Variants in LARS2 observed in about 807,000 individuals in gnomAD.
LARS2 encodes the protein leucine--tRNA ligase, mitochondrial.
A neutral mutation model predicts 116.6 loss-of-function variants in LARS2; 81 were observed. The observed-to-expected ratio is 0.69, with a 90% CI of 0.58 to 0.84. The LOEUF (loss-of-function observed/expected upper bound fraction) is 0.84. Ranked by LOEUF, LARS2 falls within the 40% of genes least tolerant of loss-of-function variation. The pLI is 0.00. For missense variants in LARS2, 968 were observed against 1,114.5 expected (o/e 0.87, Z 1.87); for synonymous variants, 396 against 407.2 (o/e 0.97, Z 0.33).
At chr3:45,390,105 A>G (rs1377235679) in intron 1 of LARS2, among the ~76,000 whole-genome samples, 1 of 149,980 alleles carries the variant, frequency 6.7e-6, no homozygotes, top group Non-Finnish European at 1.5e-5. Flanking sequence ...AAAAAGGTGG[A>G]ATCAGTTTAC....
intron 1 of LARS2, chr3:45,389,092 C>G (rs1211217304): frequency 4.6e-5 from 7 of 152,132 alleles, no homozygotes; most frequent in Non-Finnish European, 8.8e-5. Context: ...ACGAGAAATC[C>G]GCCTGAGGTC....
intron 7 of LARS2, among the ~76,000 whole-genome samples, chr3:45,449,398 G>A (rs912450958): frequency 6.6e-6 from 1 of 152,082 alleles, no homozygotes; most frequent in Non-Finnish European, 1.5e-5. Context: ...CCAAACTCAG[G>A]TGATCTGCCC....
rs1432648420 is a variant in LARS2 at position 45,517,916 on chromosome 3, TG to T, written c.2062del (p.Val688CysfsTer2). On this transcript the variant is annotated frameshift_variant, in exon 18 of 22. Transcript: ENST00000645846. LOFTEE classifies it high-confidence loss of function. ...LWDVKTDALP[G>X]VLRWQQRLWT... Reference sequence around the variant, plus strand: ...TGCTGAATTCAGCTGATGCTCTCCCTGGGGTGCTGAGATGGCAACAACGACT... The same window carrying T: ...TGCTGAATTCAGCTGATGCTCTCCCTGGGTGCTGAGATGGCAACAACGACT... The T allele has an allele frequency of 6.2e-7, 1 of 1,612,602 alleles. No individual in the cohort carries two copies. The highest frequency in any genetic ancestry group is 2.2e-5 in the East Asian group (1 of 44,814).
At chr3:45,472,826 G>A (rs891654851) in intron 8 of LARS2, among the ~76,000 whole-genome samples, 1 of 152,200 alleles carries the variant, frequency 6.6e-6, no homozygotes, top group Non-Finnish European at 1.5e-5. Context: ...CCTCATCTGG[G>A]ATGTGGAGTA....
At chr3:45,499,683 C>T (rs1700087201) in intron 14 of LARS2, among the ~76,000 whole-genome samples, 1 of 152,168 alleles carries the variant, frequency 6.6e-6, no homozygotes, top group South Asian at 2.1e-4. Flanking sequence ...CATTTAGTAT[C>T]TGCATGTTAA....
chr3:45,532,989 T>G lies in LARS2; in HGVS notation c.2405-8840T>G, dbSNP rs532712787. Among the ~76,000 whole-genome samples the G allele has an allele frequency of 2.6e-5, 4 of 152,198 alleles. No individual in the cohort carries two copies. The South Asian group carries it at 6.2e-4, about 24-fold the overall frequency. On this transcript the variant is annotated intron_variant, in intron 20 of 21. Coordinates refer to ENST00000645846, the MANE Select transcript of LARS2 (RefSeq NM_015340.4). Reference sequence around the variant, plus strand: ...CAGACTTCAGGACAAGATCTTAACTTGTTCCTTGCTGAATAGACAGACACC... The same window carrying G: ...CAGACTTCAGGACAAGATCTTAACTGGTTCCTTGCTGAATAGACAGACACC...
chr3:45,521,285 A>G (rs1425234608), intron 19 of LARS2, among the ~76,000 whole-genome samples: 1 of 152,148 alleles, frequency 6.6e-6, no homozygotes, highest in Non-Finnish European at 1.5e-5. Flanking sequence ...AGCCTGGGCG[A>G]CAAAGCAAGA....
At chr3:45,516,699 T>A (rs1344039581) in intron 17 of LARS2, among the ~76,000 whole-genome samples, 1 of 152,186 alleles carries the variant, frequency 6.6e-6, no homozygotes, top group Non-Finnish European at 1.5e-5. Context: ...CCCTCTTTCT[T>A]GATGTACCCT....
chr3:45,516,144 GAGA>G lies in LARS2; in HGVS notation c.1916_1918del (p.Lys639del). Reference sequence around the variant, plus strand: ...GAAAGAGAAGTTAGAGGTGACGTGGGAGAAGATGAGTAAGTCCAAACACAACGG... The same window carrying G: ...GAAAGAGAAGTTAGAGGTGACGTGGGAGATGAGTAAGTCCAAACACAACGG... On this transcript the variant is annotated inframe_deletion, in exon 17 of 22. Transcript: ENST00000645846. The G allele has an allele frequency of 1.2e-6, 2 of 1,614,238 alleles. No individual in the cohort carries two copies. The highest frequency in any genetic ancestry group is 1.7e-6 in the Non-Finnish European group (2 of 1,180,040).
chr3:45,392,325 G>A (rs1448967173), intron 2 of LARS2, among the ~76,000 whole-genome samples: 1 of 140,912 alleles, frequency 7.1e-6, no homozygotes, highest in African/African-American at 2.6e-5. Flanking sequence ...TTTTTGAGAT[G>A]GAGTCTTGTT....
intron 15 of LARS2, among the ~76,000 whole-genome samples, chr3:45,510,203 A>G (rs1353645134): frequency 6.6e-6 from 1 of 152,026 alleles, no homozygotes; most frequent in Non-Finnish European, 1.5e-5. Flanking sequence ...GCTTGAGCTC[A>G]GGAGTTCAAG....
intron 8 of LARS2, among the ~76,000 whole-genome samples, chr3:45,459,146 G>A (rs751606003): frequency 1.3e-5 from 2 of 152,132 alleles, no homozygotes; most frequent in Non-Finnish European, 2.9e-5. Flanking sequence ...TACTGCCACA[G>A]AGGTCAAAAA....
intron 21 of LARS2, among the ~76,000 whole-genome samples, chr3:45,542,503 CA>C (rs1305662657): frequency 4.6e-5 from 7 of 152,176 alleles, no homozygotes; most frequent in African/African-American, 1.7e-4. Context: ...GATTTTTCTA[CA>C]TTTGTTTAAT....
chr3:45,496,246 C>A, intron 13 of LARS2, 29 bp from the exon 14 acceptor site: 1 of 1,512,154 alleles, frequency 6.6e-7, no homozygotes, highest in South Asian at 1.1e-5. Flanking sequence ...TAAAAAGAAA[C>A]CAATTGATGA....
intron 4 of LARS2, among the ~76,000 whole-genome samples, chr3:45,407,262 T>C (rs1698248243): frequency 6.6e-6 from 1 of 152,266 alleles, no homozygotes; most frequent in Non-Finnish European, 1.5e-5. Flanking sequence ...GTTTTCAGTT[T>C]GCCAGTCAGT....
intron 17 of LARS2, 44 bp from the exon 18 acceptor site, chr3:45,517,859 A>T (rs1264415890): frequency 6.5e-7 from 1 of 1,535,780 alleles, no homozygotes; most frequent in South Asian, 1.2e-5. Context: ...AATCACCCTT[A>T]TGTTGCACGC....
intron 20 of LARS2, among the ~76,000 whole-genome samples, chr3:45,528,811 T>A (rs1410767411): frequency 1.3e-5 from 2 of 152,232 alleles, no homozygotes; most frequent in East Asian, 1.9e-4. Context: ...ATAACCTGAT[T>A]TACTCACTTA....
rs761554531 is a variant in LARS2 at position 45,518,060 on chromosome 3, C to T, written c.2202C>T (p.Ser734=). 9.3e-6 allele frequency: 15 copies of T among 1,612,186 alleles called. No homozygotes were observed. The highest frequency in any genetic ancestry group is 1.6e-4 in the Middle Eastern group (1 of 6,078). The change falls in exon 18 of 22, where the codon TCC becomes TCT. Residue 734 remains serine (S), a synonymous_variant. Coordinates refer to ENST00000645846, the MANE Select transcript of LARS2 (RefSeq NM_015340.4). Reference sequence around the variant, plus strand: ...GGAAGCTCTGGGAGTACAAGAACTCCGTCATCTCTCAGGTCAGAAACTCTC... The same window carrying T: ...GGAAGCTCTGGGAGTACAAGAACTCTGTCATCTCTCAGGTCAGAAACTCTC... ...EARKLWEYKN[S]VISQVTTHFT...
At chr3:45,533,839 A>G (rs1000907692) in intron 20 of LARS2, among the ~76,000 whole-genome samples, 1 of 152,218 alleles carries the variant, frequency 6.6e-6, no homozygotes, top group Non-Finnish European at 1.5e-5. Flanking sequence ...GTGTGGTAGA[A>G]ACTAGCCCAT....
Sources: allele counts gnomAD v4.1 joint callset (sites outside exome capture counted in the v4.1 genomes callset), GRCh38; gene constraint gnomAD v4.1.1; transcripts MANE v1.5; gene names NCBI Gene and HGNC (gene_info 2026-07-23, HGNC 2026-07-21).